Variants in COG5 observed in about 807,000 individuals in gnomAD.
COG5 encodes component of oligomeric golgi complex 5, also known as conserved oligomeric Golgi complex subunit 5.
COG5 carries 86 observed loss-of-function variants against 110.4 expected under a neutral mutation model. The ratio of observed to expected loss-of-function variants is 0.78; its 90% CI spans 0.65 to 0.93. COG5 has a LOEUF of 0.93. Among genes scored for constraint, COG5 ranks in the 40% least tolerant of loss-of-function variants. The probability of loss-of-function intolerance (pLI) is 0.00; values close to 1 mark genes in which losing one functional copy is unlikely to be tolerated. For missense variants in COG5, 1,077 were observed against 987.0 expected (o/e 1.09, Z -1.22); for synonymous variants, 360 against 334.6 (o/e 1.08, Z -0.83).
chr7:107,538,032 G>T (rs116894096), intron 5 of COG5, among the ~76,000 whole-genome samples: 1 of 151,992 alleles, frequency 6.6e-6, no homozygotes, highest in Admixed American at 6.6e-5. Flanking sequence ...CTGAAAAATC[G>T]AGCTACAGAC....
chr7:107,530,802 C>T (rs1801152697), intron 5 of COG5, among the ~76,000 whole-genome samples: 1 of 151,954 alleles, frequency 6.6e-6, no homozygotes, highest in South Asian at 2.1e-4. Context: ...TAGCTGCCTC[C>T]CCTCCAATCA....
chr7:107,323,323 G>A (rs558181471), intron 11 of COG5, among the ~76,000 whole-genome samples: 1 of 152,162 alleles, frequency 6.6e-6, no homozygotes, highest in Admixed American at 6.5e-5. Flanking sequence ...GAGGTCAGGA[G>A]TTCGAGACCA....
chr7:107,457,602 G>A (rs1276056241), intron 6 of COG5, among the ~76,000 whole-genome samples: 2 of 151,854 alleles, frequency 1.3e-5, no homozygotes, highest in Admixed American at 6.6e-5. Flanking sequence ...CTAATTTTTT[G>A]TATTTTTCAG....
At chr7:107,517,671 G>A (rs896236564) in intron 6 of COG5, among the ~76,000 whole-genome samples, 4 of 150,874 alleles carry the variant, frequency 2.7e-5, no homozygotes, top group Non-Finnish European at 5.9e-5. Context: ...CTACAAGCCA[G>A]AAGAGAGTGG....
intron 14 of COG5, among the ~76,000 whole-genome samples, chr7:107,277,952 A>G (rs1263228081): frequency 6.6e-6 from 1 of 152,172 alleles, no homozygotes; most frequent in African/African-American, 2.4e-5. Flanking sequence ...GTTATAATCT[A>G]CTATACCCCA....
intron 7 of COG5, among the ~76,000 whole-genome samples, chr7:107,408,906 G>C (rs1372864804): frequency 6.6e-6 from 1 of 152,046 alleles, no homozygotes; most frequent in African/African-American, 2.4e-5. Context: ...TCAGATTATG[G>C]TCTTTTTCTT....
intron 12 of COG5, among the ~76,000 whole-genome samples, chr7:107,295,844 T>G (rs1308201682): frequency 2.0e-5 from 3 of 152,210 alleles, no homozygotes; most frequent in East Asian, 3.8e-4. Context: ...CAGACTGGAG[T>G]GCAGTGGCAC....
intron 6 of COG5, among the ~76,000 whole-genome samples, chr7:107,433,478 AGACATACAGATCAGTG>A (rs1295895771): frequency 2.0e-5 from 3 of 152,252 alleles, no homozygotes; most frequent in Non-Finnish European, 4.4e-5. Context: ...GCATAAAGAC[AGACATACAGATCAGTG>A]GAATAGAGAG....
intron 10 of COG5, among the ~76,000 whole-genome samples, chr7:107,330,432 A>T (rs1253286547): frequency 6.6e-6 from 1 of 152,206 alleles, no homozygotes; most frequent in South Asian, 2.1e-4. Context: ...TTAGCCATTG[A>T]TTTCAACATA....
chr7:107,361,810 T>C (rs1813140775), intron 10 of COG5, among the ~76,000 whole-genome samples: 1 of 152,224 alleles, frequency 6.6e-6, no homozygotes, highest in African/African-American at 2.4e-5. Context: ...TCCACCCACC[T>C]TGGCCTCCCA....
intron 14 of COG5, among the ~76,000 whole-genome samples, chr7:107,277,306 G>T (rs1168176288): frequency 6.6e-6 from 1 of 152,170 alleles, no homozygotes; most frequent in Non-Finnish European, 1.5e-5. Context: ...GTGAACATGG[G>T]AGAGAATACA....
chr7:107,260,941 G>GT (rs1182363145), intron 14 of COG5, among the ~76,000 whole-genome samples: 29 of 150,588 alleles, frequency 1.9e-4, no homozygotes, highest in Admixed American at 5.3e-4. Context: ...TCTTGTCATA[G>GT]TTTTTTTGTT....
intron 6 of COG5, among the ~76,000 whole-genome samples, chr7:107,436,535 G>A (rs867590104): frequency 2.3e-4 from 35 of 152,198 alleles, no homozygotes; most frequent in Middle Eastern, 6.8e-3. Flanking sequence ...GGTGGTGATG[G>A]TTGCACAACT....
intron 6 of COG5, among the ~76,000 whole-genome samples, chr7:107,451,202 T>C (rs995167012): frequency 6.6e-6 from 1 of 152,090 alleles, no homozygotes; most frequent in Non-Finnish European, 1.5e-5. Flanking sequence ...CTTCACAGGA[T>C]TTACAGCAGA....
intron 6 of COG5, among the ~76,000 whole-genome samples, chr7:107,449,566 GT>G (rs1036935514): frequency 6.6e-6 from 1 of 152,120 alleles, no homozygotes; most frequent in African/African-American, 2.4e-5. Context: ...ATTTTTCATA[GT>G]TTTTAATGCA....
At chr7:107,448,729 A>T (rs552897503) in intron 6 of COG5, among the ~76,000 whole-genome samples, 1 of 152,318 alleles carries the variant, frequency 6.6e-6, no homozygotes, top group East Asian at 1.9e-4. Context: ...AATAGGTTTG[A>T]AATGTGCAGG....
intron 6 of COG5, among the ~76,000 whole-genome samples, chr7:107,489,417 C>T (rs1241888952): frequency 6.6e-6 from 1 of 152,138 alleles, no homozygotes; most frequent in Non-Finnish European, 1.5e-5. Context: ...CTGTATAGTT[C>T]ACTCAGCTTC....
At chr7:107,540,828 C>T (rs576803712) in intron 5 of COG5, among the ~76,000 whole-genome samples, 1 of 151,850 alleles carries the variant, frequency 6.6e-6, no homozygotes, top group Admixed American at 6.6e-5. Flanking sequence ...AAAAACAAAC[C>T]TAGAAATAAT....
intron 16 of COG5, among the ~76,000 whole-genome samples, chr7:107,253,522 AG>A (rs752967308): frequency 5.9e-5 from 9 of 152,162 alleles, no homozygotes; most frequent in Non-Finnish European, 8.8e-5. Context: ...GACAAATCTC[AG>A]TAAAAAATGG....
Sources: allele counts gnomAD v4.1 joint callset (sites outside exome capture counted in the v4.1 genomes callset), GRCh38; gene constraint gnomAD v4.1.1; transcripts MANE v1.5; gene names NCBI Gene and HGNC (gene_info 2026-07-23, HGNC 2026-07-21).